FBXL7: variants seen among roughly 807,000 people sequenced by gnomAD.
FBXL7 encodes the protein F-box/LRR-repeat protein 7.
A neutral mutation model predicts 38.3 loss-of-function variants in FBXL7; 12 were observed. The observed-to-expected ratio is 0.31, with a 90% CI of 0.20 to 0.51. The LOEUF (loss-of-function observed/expected upper bound fraction) is 0.51, where lower values mean the gene tolerates loss of function less well. Among genes scored for constraint, FBXL7 ranks in the 20% least tolerant of loss-of-function variants. FBXL7 has a pLI of 0.98. For synonymous variants in FBXL7, 297 were observed against 300.9 expected, an observed-to-expected ratio of 0.99 and a Z score of 0.13; for missense variants, 567 against 676.4, an observed-to-expected ratio of 0.84 and a Z score of 1.79.
intron 1 of FBXL7, among the ~76,000 whole-genome samples, chr5:15,594,776 C>A (rs1340038836): frequency 6.6e-6 from 1 of 152,200 alleles, no homozygotes; most frequent in Non-Finnish European, 1.5e-5. Flanking sequence ...CTATTGCTGA[C>A]AACAATATCA....
chr5:15,697,869 G>C (rs537482148), intron 2 of FBXL7, among the ~76,000 whole-genome samples: 1 of 152,146 alleles, frequency 6.6e-6, no homozygotes, highest in Non-Finnish European at 1.5e-5. Context: ...CAGTATCCTA[G>C]AGCTAAGAGC....
chr5:15,760,127 G>C (rs1736399277), intron 2 of FBXL7, among the ~76,000 whole-genome samples: 1 of 151,886 alleles, frequency 6.6e-6, no homozygotes, highest in Non-Finnish European at 1.5e-5. Context: ...TCACAAAGCA[G>C]GTTTGAGGCA....
At chr5:15,814,993 T>A (rs1737976983) in intron 2 of FBXL7, among the ~76,000 whole-genome samples, 1 of 152,182 alleles carries the variant, frequency 6.6e-6, no homozygotes, top group Non-Finnish European at 1.5e-5. Context: ...CCCTCTCTGA[T>A]AAGCAATTAT....
intron 2 of FBXL7, among the ~76,000 whole-genome samples, chr5:15,753,592 C>T (rs766911658): frequency 2.6e-5 from 4 of 152,102 alleles, no homozygotes; most frequent in Admixed American, 6.5e-5. Context: ...ATCCATAGAT[C>T]TACATTGTAT....
chr5:15,603,763 A>G (rs528277760), intron 1 of FBXL7, among the ~76,000 whole-genome samples: 2 of 152,204 alleles, frequency 1.3e-5, no homozygotes, highest in Non-Finnish European at 2.9e-5. Flanking sequence ...TAAAGAAAGT[A>G]CCAGTTAGGA....
At position 15,938,002 on chromosome 5, in the gene FBXL7, G is replaced by A. The variant is rs1023728053; in HGVS notation, c.*816G>A. On this transcript the variant is annotated 3_prime_UTR_variant, in exon 4 of 4. Transcript: ENST00000504595. ...AGGAGAACTGATTCTGTGGATGGAT[G>A]TGATTTCAGGAGATTGTGCAGTGCC... is the stretch of plus-strand genomic sequence containing the variant. 2.0e-5 allele frequency: 3 copies of A among 152,268 alleles called. No individual in the cohort carries two copies. Among genetic ancestry groups the A allele is most frequent in the Non-Finnish European group, 2.9e-5 (2 of 68,094 alleles). The allele number at this position is 152,268 out of a possible 1,614,324, so 9.4% of individuals were successfully genotyped here.
At chr5:15,818,743 T>TGAGAGA (rs201462691) in intron 2 of FBXL7, among the ~76,000 whole-genome samples, 11 of 39,564 alleles carry the variant, frequency 2.8e-4, no homozygotes, top group African/African-American at 6.9e-4. Context: ...TGTGTGTGTG[T>TGAGAGA]GAGAGAGAGA....
chr5:15,614,331 G>T (rs190592604), intron 1 of FBXL7, among the ~76,000 whole-genome samples: 1 of 150,814 alleles, frequency 6.6e-6, no homozygotes, highest in African/African-American at 2.4e-5. Flanking sequence ...GTGCAATGGC[G>T]CAATCTTGGC....
chr5:15,541,209 A>G (rs954158966), intron 1 of FBXL7, among the ~76,000 whole-genome samples: 2 of 151,714 alleles, frequency 1.3e-5, no homozygotes, highest in Non-Finnish European at 2.9e-5. Context: ...AGACATTCCT[A>G]TAAATCATCA....
intron 1 of FBXL7, among the ~76,000 whole-genome samples, chr5:15,581,800 T>TGGTGGGGAATATGGATGAGA (rs1739150220): frequency 6.6e-6 from 1 of 152,024 alleles, no homozygotes; most frequent in African/African-American, 2.4e-5. Flanking sequence ...TGAATTTGTG[T>TGGTGGGGAATATGGATGAGA]GGTGGGGAAT....
At chr5:15,722,879 C>T (rs1322403973) in intron 2 of FBXL7, among the ~76,000 whole-genome samples, 1 of 148,666 alleles carries the variant, frequency 6.7e-6, no homozygotes, top group African/African-American at 2.5e-5. Flanking sequence ...GCCGAGATCG[C>T]GCCACTACAC....
At chr5:15,906,473 C>A in intron 2 of FBXL7, among the ~76,000 whole-genome samples, 1 of 145,876 alleles carries the variant, frequency 6.9e-6, no homozygotes, top group Non-Finnish European at 1.5e-5. Flanking sequence ...ATGTATTTTA[C>A]CATAATTATT....
intron 2 of FBXL7, among the ~76,000 whole-genome samples, chr5:15,746,221 A>G (rs1736010342): frequency 6.6e-6 from 1 of 152,200 alleles, no homozygotes; most frequent in South Asian, 2.1e-4. Context: ...TAAAAGCAAG[A>G]CTACTTCTAG....
chr5:15,790,072 A>G (rs1737234767), intron 2 of FBXL7, among the ~76,000 whole-genome samples: 1 of 152,172 alleles, frequency 6.6e-6, no homozygotes, highest in African/African-American at 2.4e-5. Context: ...ATGCTAAATT[A>G]TAATTCTCCC....
chr5:15,501,765 C>G, intron 1 of FBXL7: 1 of 984,146 alleles, frequency 1.0e-6, no homozygotes, highest in Non-Finnish European at 1.2e-6. Context: ...TGTGAAATTA[C>G]AGCAGAAACC....
At chr5:15,823,391 T>A (rs2126766256) in intron 2 of FBXL7, among the ~76,000 whole-genome samples, 1 of 152,300 alleles carries the variant, frequency 6.6e-6, no homozygotes, top group East Asian at 1.9e-4. Context: ...CATTTGGAAA[T>A]AATGGGTTTA....
chr5:15,525,851 C>T (rs1245412873), intron 1 of FBXL7, among the ~76,000 whole-genome samples: 2 of 152,200 alleles, frequency 1.3e-5, no homozygotes, highest in Non-Finnish European at 2.9e-5. Flanking sequence ...TGAGCAGCCT[C>T]TTCCCTGCAA....
intron 1 of FBXL7, among the ~76,000 whole-genome samples, chr5:15,586,764 A>G (rs1333148998): frequency 6.6e-6 from 1 of 152,250 alleles, no homozygotes; most frequent in Non-Finnish European, 1.5e-5. Context: ...AAATCAGTTC[A>G]TGACTGTAAA....
chr5:15,851,064 G>C (rs1739079086), intron 2 of FBXL7, among the ~76,000 whole-genome samples: 1 of 152,142 alleles, frequency 6.6e-6, no homozygotes, highest in Non-Finnish European at 1.5e-5. Context: ...CTGAGATGCA[G>C]CCTTTCTTGA....
Sources: gnomAD v4.1 joint callset for allele counts (sites outside exome capture counted in the v4.1 genomes callset) on GRCh38, gnomAD v4.1.1 for gene constraint, MANE v1.5 for transcripts, NCBI Gene and HGNC (gene_info 2026-07-23, HGNC 2026-07-21) for gene names.